Variants in ZNF347 observed in about 807,000 individuals in gnomAD.
ZNF347 encodes the protein zinc finger protein 347.
A neutral mutation model predicts 12.9 loss-of-function variants in ZNF347; 19 were observed. The ratio of observed to expected loss-of-function variants is 1.47; its 90% CI spans 1.03 to 2.16. ZNF347 has a LOEUF of 2.16. ZNF347 is among the 30% of genes most tolerant of loss of function. ZNF347 has a pLI of 0.00. For missense variants in ZNF347, 1,005 were observed against 990.6 expected (o/e 1.01, Z -0.19); for synonymous variants, 328 against 340.6 (o/e 0.96, Z 0.41).
chr19:53,149,710 G>A (rs868687774), intron 2 of ZNF347, among the ~76,000 whole-genome samples: 2 of 152,160 alleles, frequency 1.3e-5, no homozygotes, highest in Non-Finnish European at 2.9e-5. Context: ...GGGGCTGAAG[G>A]CTCGGCTGAT....
At position 53,141,385 on chromosome 19, in the gene ZNF347, T is replaced by C. The variant is rs1240829336; in HGVS notation, c.1443A>G (p.Gly481=). ...HLARHQLIHT[G]EKPYKCNECG... ...ACTCATTACACTTATAAGGTTTCTCTCCAGTATGAATTAGCTGATGCCTTG... is the reference window on the plus strand; with the variant it reads ...ACTCATTACACTTATAAGGTTTCTCCCCAGTATGAATTAGCTGATGCCTTG... The change falls in exon 5 of 5, where the codon GGA becomes GGG. Residue 481 remains glycine, a synonymous_variant. Transcript: ENST00000334197. 2.5e-6 allele frequency: 4 copies of C among 1,613,938 alleles called. No homozygotes were observed. The highest frequency in any genetic ancestry group is 2.5e-6 in the Non-Finnish European group (3 of 1,179,978).
At position 53,149,318 on chromosome 19, in the gene ZNF347, C is replaced by T. The variant is rs746456096; in HGVS notation, c.65G>A (p.Trp22Ter). The change falls in exon 3 of 5, where the codon TGG becomes TAG. Residue 22 changes from tryptophan (W) to a stop codon, truncating the protein, a stop_gained. Transcript: ENST00000334197. LOFTEE classifies it high-confidence loss of function. ...DVAIEFSQEE[W>*]TCLDPAQRTL... ...CCTCTGAGCGGGGTCCAGGCATGTC[C>T]ACTCCTCCTGAGAGAATTCTATAGC... The T allele has an allele frequency of 3.7e-6, 6 of 1,613,990 alleles. No individual in the cohort carries two copies. The highest frequency in any genetic ancestry group is 5.1e-6 in the Non-Finnish European group (6 of 1,179,954).
intron 4 of ZNF347, among the ~76,000 whole-genome samples, chr19:53,146,301 G>A (rs1568639779): frequency 6.6e-6 from 1 of 151,706 alleles, no homozygotes; most frequent in Non-Finnish European, 1.5e-5. Flanking sequence ...TAGAGATGGG[G>A]TCTATCTCTC....
rs2090430220 is a variant in ZNF347, at chr19:53,141,850, A to G, written c.978T>C (p.Phe326=). The change falls in exon 5 of 5, where the codon TTT becomes TTC. Residue 326 remains phenylalanine (F), a synonymous_variant. Coordinates refer to ENST00000334197, the MANE Select transcript of ZNF347 (RefSeq NM_032584.3). ...RYKCNECGKV[F]SRNSQLSQHQ... ...GTTGTGAGAGTTGTGAATTTCGACTAAAGACCTTACCACACTCATTACATT... is the reference window on the plus strand; with the variant it reads ...GTTGTGAGAGTTGTGAATTTCGACTGAAGACCTTACCACACTCATTACATT... The G allele has an allele frequency of 1.9e-6, 3 of 1,614,028 alleles. No homozygotes were observed. The highest frequency in any genetic ancestry group is 2.2e-5 in the East Asian group (1 of 44,852).
rs2090383652 is a variant in ZNF347 at position 53,135,390 on chromosome 19, A to AGAGAGAGAGAGGGAGG, written c.*4917_*4918insCCTCCCTCTCTCTCTC. ...GAGAAAGAGAGAGAGAGAGAGAGAG[A>AGAGAGAGAGAGGGAGG]GAGATGGAGTCCCGCTCTGTCACTG... On this transcript the variant is annotated 3_prime_UTR_variant, in exon 5 of 5. Transcript: ENST00000334197. The AGAGAGAGAGAGGGAGG allele has an allele frequency of 6.8e-6, 1 of 147,110 alleles. No individual in the cohort carries two copies. The highest frequency in any genetic ancestry group is 2.5e-5 in the African/African-American group (1 of 39,800). The allele number at this position is 147,110 out of a possible 1,614,324, so 9.1% of individuals were successfully genotyped here.
chr19:53,136,207 A>G lies in ZNF347; in HGVS notation c.*4101T>C, dbSNP rs2090387410. 6.7e-6 allele frequency: 1 copy of G among 150,266 alleles called. No homozygotes were observed. The highest frequency in any genetic ancestry group is 2.5e-5 in the African/African-American group (1 of 40,764). 9.3% of individuals were successfully genotyped at this position (150,266 alleles called of 1,614,324 possible). A position where few individuals can be genotyped will look rare whatever the true frequency, so the allele number is the denominator to read the frequency against. On this transcript the variant is annotated 3_prime_UTR_variant, in exon 5 of 5. Coordinates refer to ENST00000334197, the MANE Select transcript of ZNF347 (RefSeq NM_032584.3). ...TCTAGTATCCCTGTACTTTAATTGAACTAAAGATTTACAAGGACACTCCAT... is the reference window on the plus strand; with the variant it reads ...TCTAGTATCCCTGTACTTTAATTGAGCTAAAGATTTACAAGGACACTCCAT...
chr19:53,155,116 T>G (rs966574475), intron 1 of ZNF347, among the ~76,000 whole-genome samples: 1 of 152,020 alleles, frequency 6.6e-6, no homozygotes, highest in Non-Finnish European at 1.5e-5. Flanking sequence ...TTTTGTATTT[T>G]TAGTAGAGAC....
chr19:53,137,110 TCCTGA>T lies in ZNF347; in HGVS notation c.*3193_*3197del, dbSNP rs1250066680. 2 of 152,364 alleles carry T rather than the reference TCCTGA, an allele frequency of 1.3e-5. No homozygotes were observed. Among genetic ancestry groups the T allele is most frequent in the East Asian group, 3.9e-4 (2 of 5,168 alleles). 9.4% of individuals were successfully genotyped at this position (152,364 alleles called of 1,614,324 possible). On this transcript the variant is annotated 3_prime_UTR_variant, in exon 5 of 5. Coordinates refer to ENST00000334197, the MANE Select transcript of ZNF347 (RefSeq NM_032584.3). ...CATGTTGGCCAGGCTCGTCTTGAGC[TCCTGA>T]CCTAAGGTGATCCACCTGCCTCGGG...
chr19:53,140,201 G>T lies in ZNF347; in HGVS notation c.*107C>A. The T allele has an allele frequency of 8.6e-7, 1 of 1,162,858 alleles. No homozygotes were observed. The allele number at this position is 1,162,858 out of a possible 1,614,324, so 72.0% of individuals were successfully genotyped here. ...AGGCATGAGCCACTGCACCCAGCCA[G>T]TCATTGCATTTTCAAGGAATCTCTC... On this transcript the variant is annotated 3_prime_UTR_variant, in exon 5 of 5. Coordinates refer to ENST00000334197, the MANE Select transcript of ZNF347 (RefSeq NM_032584.3).
intron 1 of ZNF347, among the ~76,000 whole-genome samples, chr19:53,154,960 G>GGGTT (rs2090522397): frequency 6.7e-6 from 1 of 149,618 alleles, no homozygotes; most frequent in Non-Finnish European, 1.5e-5. Context: ...TTTTTGAGAT[G>GGGTT]AAGTCTCACT....
In ZNF347 at chr19:53,142,482, C is replaced by T. The variant is rs1341706769; in HGVS notation, c.346G>A (p.Val116Met). ...TGGCTTTCCTGTCTTTCCAACATCACTGTTTGGAATACTTCTCCTGTATTA... is the reference window on the plus strand; with the variant it reads ...TGGCTTTCCTGTCTTTCCAACATCATTGTTTGGAATACTTCTCCTGTATTA... ...KSNTGEVFQT[V>M]MLERQESQDI... is the part of the protein sequence containing the mutation. The change falls in exon 5 of 5, where the codon GTG becomes ATG. Residue 116 changes from valine to methionine, a missense_variant. Coordinates refer to ENST00000334197, the MANE Select transcript of ZNF347 (RefSeq NM_032584.3). The T allele has an allele frequency of 6.2e-7, 1 of 1,613,860 alleles. No homozygotes were observed. The highest frequency in any genetic ancestry group is 8.5e-7 in the Non-Finnish European group (1 of 1,179,912).
chr19:53,149,051 C>T, intron 3 of ZNF347, 190 bp downstream of exon 3: 1 of 1,268,494 alleles, frequency 7.9e-7, no homozygotes, highest in African/African-American at 1.5e-5. Context: ...TTTTAAAAGT[C>T]CTGAAACCCT....
At chr19:53,147,361 C>T (rs1016692346) in intron 4 of ZNF347, among the ~76,000 whole-genome samples, 1 of 151,362 alleles carries the variant, frequency 6.6e-6, no homozygotes, top group African/African-American at 2.4e-5. Flanking sequence ...GACAAGAGAA[C>T]GAGACTGCAT....
At chr19:53,152,822 T>C (rs923040001) in intron 2 of ZNF347, among the ~76,000 whole-genome samples, 3 of 151,670 alleles carry the variant, frequency 2.0e-5, no homozygotes, top group African/African-American at 4.8e-5. Context: ...CCCAGTTACT[T>C]GGGAGGCTGA....
chr19:53,147,460 T>A (rs1021630339), intron 4 of ZNF347, among the ~76,000 whole-genome samples: 5 of 151,798 alleles, frequency 3.3e-5, no homozygotes, highest in African/African-American at 1.2e-4. Flanking sequence ...GGGGAGGATG[T>A]GGAGGGAGGG....
chr19:53,153,764 T>C lies in ZNF347; in HGVS notation c.-17A>G, dbSNP rs1568644039. ...GAGAGCCATGCCTGACTTGTCTTTC[T>C]TTCCTCTTCCTCTTCTTCAAGGGTT... On this transcript the variant is annotated 5_prime_UTR_variant, in exon 2 of 5. Coordinates refer to ENST00000334197, the MANE Select transcript of ZNF347 (RefSeq NM_032584.3). The C allele has an allele frequency of 8.1e-6, 13 of 1,614,158 alleles. No homozygotes were observed. The highest frequency in any genetic ancestry group is 4.5e-5 in the East Asian group (2 of 44,884).
chr19:53,139,940 G>T lies in ZNF347; in HGVS notation c.*368C>A. On this transcript the variant is annotated 3_prime_UTR_variant, in exon 5 of 5. Transcript: ENST00000334197. Reference sequence around the variant, plus strand: ...TTTAAGATGGAGTTTTGCTCTTTTTGCCCAGGATGGAGTGCATTGGCACGA... The same window carrying T: ...TTTAAGATGGAGTTTTGCTCTTTTTTCCCAGGATGGAGTGCATTGGCACGA... 1 of 166,912 alleles carries T rather than the reference G, an allele frequency of 6.0e-6. No individual in the cohort carries two copies. Among genetic ancestry groups the T allele is most frequent in the Admixed American group, 6.0e-5 (1 of 16,788 alleles). 10.3% of individuals were successfully genotyped at this position (166,912 alleles called of 1,614,324 possible). A position where few individuals can be genotyped will look rare whatever the true frequency, so the allele number is the denominator to read the frequency against.
In ZNF347 at chr19:53,141,784, G is replaced by A. The variant is rs774070334; in HGVS notation, c.1044C>T (p.Asn348=). ...TCTGAGTGAAGACCTTGCCACATTC[G>A]TTACATTTATAAGGTTTCTCTCCAG... The part of the protein sequence containing the change: ...IHTGEKPYKC[N]ECGKVFTQNS... Residue 348 remains asparagine (N), a synonymous_variant, in exon 5 of 5, where the codon AAC becomes AAT. Transcript: ENST00000334197. The A allele has an allele frequency of 9.3e-6, 15 of 1,612,902 alleles. No homozygotes were observed. The highest frequency in any genetic ancestry group is 2.7e-5 in the African/African-American group (2 of 74,736).
At position 53,153,444 on chromosome 19, in the gene ZNF347, T is replaced by C. The variant is rs537833032; in HGVS notation, c.15+289A>G. On this transcript the variant is annotated intron_variant, in intron 2 of 4. Coordinates refer to ENST00000334197, the MANE Select transcript of ZNF347 (RefSeq NM_032584.3). ...CCAGATGTGGCCCCTGAACAATCCC[T>C]GCTGCCCAACAGCACTGACACCACA... Among the ~76,000 whole-genome samples, 697 of 152,150 alleles carry C rather than the reference T, an allele frequency of 4.6e-3. 7 individuals carry two copies. The highest frequency in any genetic ancestry group is 6.8e-3 in the Middle Eastern group (2 of 294).
Sources: allele counts gnomAD v4.1 joint callset (sites outside exome capture counted in the v4.1 genomes callset), GRCh38; gene constraint gnomAD v4.1.1; transcripts MANE v1.5; gene names NCBI Gene and HGNC (gene_info 2026-07-23, HGNC 2026-07-21).